PAMR1: variants seen among roughly 807,000 people sequenced by gnomAD.
PAMR1 encodes the protein inactive serine protease PAMR1.
A neutral mutation model predicts 81.8 loss-of-function variants in PAMR1; 88 were observed. That is an observed-to-expected ratio of 1.08 (90% confidence interval 0.91 to 1.28). The LOEUF is 1.28. PAMR1 is among the 50% of genes most tolerant of loss of function. The pLI, the probability that PAMR1 is intolerant of heterozygous loss-of-function variation, is 0.00. For missense variants in PAMR1, 935 were observed against 919.7 expected (o/e 1.02, Z -0.21); for synonymous variants, 336 against 345.3 (o/e 0.97, Z 0.30).
chr11:35,482,555 T>G (rs1051905435), intron 3 of PAMR1, among the ~76,000 whole-genome samples: 2 of 152,238 alleles, frequency 1.3e-5, no homozygotes, highest in Non-Finnish European at 2.9e-5. Context: ...TAAAGTAATT[T>G]TTTTCTAATT....
chr11:35,520,771 T>C (rs1851256491), intron 1 of PAMR1, among the ~76,000 whole-genome samples: 1 of 152,122 alleles, frequency 6.6e-6, no homozygotes, highest in African/African-American at 2.4e-5. Context: ...ACACCCCAAA[T>C]CAACTGCAGC....
At chr11:35,466,750 A>G (rs10836403) in intron 6 of PAMR1, among the ~76,000 whole-genome samples, 1 of 142,362 alleles carries the variant, frequency 7.0e-6, no homozygotes, top group African/African-American at 2.6e-5. Flanking sequence ...AAAAAAAAGG[A>G]AAACATTAGT....
chr11:35,441,611 G>A lies in PAMR1; in HGVS notation c.903C>T (p.Asn301=), dbSNP rs562004347. The A allele has an allele frequency of 3.1e-5, 50 of 1,613,966 alleles. 1 individual carries two copies. Among genetic ancestry groups the A allele is most frequent in the East Asian group, 1.1e-4 (5 of 44,888 alleles). ...CGGTGCCAATTTTAGCATGGCGTCCGTTGATAAGCCCAGGGCCCCCTGTTA... is the reference window on the plus strand; with the variant it reads ...CGGTGCCAATTTTAGCATGGCGTCCATTGATAAGCCCAGGGCCCCCTGTTA... The part of the protein sequence containing the change: ...QKITGGPGLI[N]GRHAKIGTVV... The change falls in exon 7 of 11, where the codon AAC becomes AAT. Residue 301 remains asparagine (N), a synonymous_variant. Transcript: ENST00000619888.
chr11:35,447,920 A>G (rs1856331678), intron 6 of PAMR1, among the ~76,000 whole-genome samples: 1 of 152,224 alleles, frequency 6.6e-6, no homozygotes, highest in South Asian at 2.1e-4. Context: ...TTGCCTGGAT[A>G]TGAAATTCTG....
intron 1 of PAMR1, among the ~76,000 whole-genome samples, chr11:35,511,156 T>A (rs1851065549): frequency 6.6e-6 from 1 of 152,232 alleles, no homozygotes; most frequent in Non-Finnish European, 1.5e-5. Context: ...ATAATCATCA[T>A]CATCTTGCAC....
Position 35,501,136 on chromosome 11 carries a change from T to C in PAMR1, c.74-6864A>G, listed in dbSNP as rs1032115746. On this transcript the variant is annotated intron_variant, in intron 1 of 10. Coordinates refer to ENST00000619888, the MANE Select transcript of PAMR1 (RefSeq NM_001001991.3). ...TAATTTTATAACCTTTTTTTTTCTT[T>C]TTTTTTTTTTTTGAGACAGGGTCTC... 3.0e-4 allele frequency among the ~76,000 whole-genome samples: 15 copies of C among 49,878 alleles called. No homozygotes were observed. In the South Asian group the frequency reaches 0.011, roughly 38 times the overall value. The allele number at this position is 49,878 out of a possible 152,430, so 32.7% of individuals were successfully genotyped here. A position where few individuals can be genotyped will look rare whatever the true frequency, so the allele number is the denominator to read the frequency against.
At chr11:35,438,909 A>G (rs1306181801) in intron 8 of PAMR1, among the ~76,000 whole-genome samples, 1 of 152,218 alleles carries the variant, frequency 6.6e-6, no homozygotes, top group African/African-American at 2.4e-5. Context: ...AGAGAACTGA[A>G]GGAAGTGAGG....
chr11:35,503,596 G>C lies in PAMR1; in HGVS notation c.74-9324C>G, dbSNP rs535939446. Among the ~76,000 whole-genome samples, 5 of 151,872 alleles carry C rather than the reference G, an allele frequency of 3.3e-5. No homozygotes were observed. The South Asian group carries it at 8.3e-4, about 25-fold the overall frequency. ...CTTGTATAGCTCTTTCATTGCTCTG[G>C]TTAAATTGACTCCTAGGTATTTTAT... On this transcript the variant is annotated intron_variant, in intron 1 of 10. Coordinates refer to ENST00000619888, the MANE Select transcript of PAMR1 (RefSeq NM_001001991.3).
At chr11:35,526,560 A>G (rs558334616), upstream of PAMR1, among the ~76,000 whole-genome samples, 1 of 152,332 alleles carries the variant, frequency 6.6e-6, no homozygotes, top group East Asian at 1.9e-4. Context: ...CTCACAATAA[A>G]CCTAGCCTCT....
In PAMR1 at chr11:35,509,307, T is replaced by C. The variant is rs188230649; in HGVS notation, c.74-15035A>G. Among the ~76,000 whole-genome samples the C allele has an allele frequency of 1.6e-4, 25 of 152,350 alleles. No homozygotes were observed. In the East Asian group the frequency reaches 4.4e-3, roughly 27 times the overall value. ...CAGCTAAAGACATTTTAAAATTCAA[T>C]AAATAGACAAGAGCAACATCTTGTT... On this transcript the variant is annotated intron_variant, in intron 1 of 10. Transcript: ENST00000619888.
intron 8 of PAMR1, among the ~76,000 whole-genome samples, chr11:35,439,059 T>C (rs1856108064): frequency 1.3e-5 from 2 of 152,158 alleles, no homozygotes; most frequent in South Asian, 2.1e-4. Context: ...AGGAAGAGAA[T>C]GTAGAAGAAA....
rs1330710136 is a variant in PAMR1, at chr11:35,445,146, G to C, written c.821-3453C>G. Among the ~76,000 whole-genome samples, 8 of 152,172 alleles carry C rather than the reference G, an allele frequency of 5.3e-5. 1 individual carries two copies. The highest frequency in any genetic ancestry group is 5.2e-4 in the Admixed American group (8 of 15,288). ...TCATGATTTGACTCTCTGCCTGTCT[G>C]TTGTTGATGTATAGGAATGCTTATG... On this transcript the variant is annotated intron_variant, in intron 6 of 10. Transcript: ENST00000619888.
At chr11:35,526,129 G>C (rs61879581), upstream of PAMR1, 32,657 of 154,712 alleles carry the variant, frequency 0.21, 3,699 homozygotes, top group Non-Finnish European at 0.25. Flanking sequence ...CACTCCGCAC[G>C]CAACACTCCT....
intron 6 of PAMR1, among the ~76,000 whole-genome samples, chr11:35,456,898 G>A (rs1856545151): frequency 6.6e-6 from 1 of 152,184 alleles, no homozygotes; most frequent in African/African-American, 2.4e-5. Flanking sequence ...TGTGTGTACA[G>A]AATATCAATT....
At chr11:35,479,223 A>T (rs1850337791) in intron 3 of PAMR1, among the ~76,000 whole-genome samples, 1 of 152,116 alleles carries the variant, frequency 6.6e-6, no homozygotes, top group Non-Finnish European at 1.5e-5. Flanking sequence ...ATTCAGAGAG[A>T]GGCATTTGCA....
upstream of PAMR1, among the ~76,000 whole-genome samples, chr11:35,526,868 C>T (rs1236336825): frequency 6.6e-6 from 1 of 152,100 alleles, no homozygotes; most frequent in East Asian, 1.9e-4. Flanking sequence ...GGACAGTTAC[C>T]CCCATAAAAG....
intron 6 of PAMR1, among the ~76,000 whole-genome samples, chr11:35,463,911 C>A (rs1472248827): frequency 6.6e-6 from 1 of 152,144 alleles, no homozygotes; most frequent in Non-Finnish European, 1.5e-5. Flanking sequence ...TCTCCCCAGA[C>A]CAATGGAATT....
chr11:35,470,873 A>C, intron 4 of PAMR1, 55 bp from the exon 5 acceptor site: 5 of 1,252,520 alleles, frequency 4.0e-6, no homozygotes, highest in Non-Finnish European at 5.8e-6. Context: ...CAGTCCTGAG[A>C]CCGCTGGGCT....
At chr11:35,434,908 T>A in intron 9 of PAMR1, 104 bp from the exon 10 acceptor site, 1 of 1,036,244 alleles carries the variant, frequency 9.7e-7, no homozygotes, top group Non-Finnish European at 1.4e-6. Flanking sequence ...GTGAACTGTA[T>A]GGGCATGATG....
Sources: allele counts gnomAD v4.1 joint callset (sites outside exome capture counted in the v4.1 genomes callset), GRCh38; gene constraint gnomAD v4.1.1; transcripts MANE v1.5; gene names NCBI Gene and HGNC (gene_info 2026-07-23, HGNC 2026-07-21).